Variants in MDGA2 observed in about 807,000 individuals in gnomAD.
MDGA2 encodes the protein MAM domain containing glycosylphosphatidylinositol anchor 2, also known as MAM domain-containing glycosylphosphatidylinositol anchor protein 2.
A neutral mutation model predicts 117.8 loss-of-function variants in MDGA2; 40 were observed. The ratio of observed to expected loss-of-function variants is 0.34; its 90% CI spans 0.26 to 0.44. MDGA2 has a LOEUF of 0.44. Among genes scored for constraint, MDGA2 ranks in the 20% least tolerant of loss-of-function variants. The pLI, the probability that MDGA2 is intolerant of heterozygous loss-of-function variation, is 1.00. For synonymous variants in MDGA2, 452 were observed against 439.0 expected (o/e 1.03, Z -0.37); for missense variants, 1,123 against 1,250.6 (o/e 0.90, Z 1.54).
chr14:47,597,875 C>CAT (rs1896575212), intron 1 of MDGA2, among the ~76,000 whole-genome samples: 1 of 149,516 alleles, frequency 6.7e-6, no homozygotes, highest in Admixed American at 6.7e-5. Context: ...CACACACACA[C>CAT]ACACACACAA....
At chr14:47,241,087 G>C (rs1181614498) in intron 2 of MDGA2, among the ~76,000 whole-genome samples, 1 of 151,780 alleles carries the variant, frequency 6.6e-6, no homozygotes, top group Non-Finnish European at 1.5e-5. Flanking sequence ...TTTAGGAGTG[G>C]ATGACCAATC....
chr14:47,283,746 TA>T (rs1228425543), intron 2 of MDGA2, among the ~76,000 whole-genome samples: 1 of 152,182 alleles, frequency 6.6e-6, no homozygotes, highest in African/African-American at 2.4e-5. Flanking sequence ...GTGCTATTTT[TA>T]AAAAATAATA....
At chr14:47,394,325 A>C (rs8020717) in intron 1 of MDGA2, among the ~76,000 whole-genome samples, 152,085 of 152,234 alleles carry the variant, frequency 1, 75,968 homozygotes, top group Non-Finnish European at 1. Context: ...TGGACCAGAA[A>C]CAAAGCTTCT....
chr14:47,493,057 G>T (rs1175656675), intron 1 of MDGA2, among the ~76,000 whole-genome samples: 2 of 151,608 alleles, frequency 1.3e-5, no homozygotes, highest in Admixed American at 1.3e-4. Context: ...CTTATTACCA[G>T]TATCAAAATA....
At chr14:47,174,418 T>C (rs950103772) in intron 3 of MDGA2, among the ~76,000 whole-genome samples, 16 of 151,976 alleles carry the variant, frequency 1.1e-4, no homozygotes, top group Admixed American at 2.6e-4. Context: ...CCCCAGCAAA[T>C]CTAAAAGAAC....
intron 2 of MDGA2, among the ~76,000 whole-genome samples, chr14:47,275,251 C>T (rs1266208487): frequency 6.6e-6 from 1 of 152,084 alleles, no homozygotes; most frequent in Non-Finnish European, 1.5e-5. Flanking sequence ...CTGTGAATTC[C>T]TCTTTTGTTA....
chr14:47,646,434 T>G lies in MDGA2; in HGVS notation c.280+28083A>C, dbSNP rs912078859. Among the ~76,000 whole-genome samples the G allele has an allele frequency of 2.0e-5, 3 of 152,170 alleles. No individual in the cohort carries two copies. The East Asian group carries it at 5.8e-4, about 29-fold the overall frequency. On this transcript the variant is annotated intron_variant, in intron 1 of 16. Transcript: ENST00000399232. ...GCAGATTTTCAGTTTAAATTTTACT[T>G]CTGAAGCCAAAATAGTGGAAAAGTG... is the stretch of plus-strand genomic sequence containing the variant.
At chr14:47,444,394 A>T (rs764794530) in intron 1 of MDGA2, 10 of 184,472 alleles carry the variant, frequency 5.4e-5, no homozygotes, top group Non-Finnish European at 1.1e-4. Context: ...AAACCAGATG[A>T]TGGCTCTGGA....
At chr14:47,457,564 A>C (rs1306205871) in intron 1 of MDGA2, among the ~76,000 whole-genome samples, 1 of 152,208 alleles carries the variant, frequency 6.6e-6, no homozygotes, top group Non-Finnish European at 1.5e-5. Context: ...CAAAGAAGAC[A>C]TTCTGAGTTA....
At chr14:46,867,864 T>C (rs889325851) in intron 14 of MDGA2, among the ~76,000 whole-genome samples, 1 of 152,008 alleles carries the variant, frequency 6.6e-6, no homozygotes, top group African/African-American at 2.4e-5. Flanking sequence ...TTCTTTTTAC[T>C]TTAGTTGCCA....
intron 1 of MDGA2, among the ~76,000 whole-genome samples, chr14:47,413,007 T>C (rs750601703): frequency 2.0e-5 from 3 of 152,244 alleles, no homozygotes; most frequent in Admixed American, 6.5e-5. Context: ...TTCATTTTGT[T>C]TTTTCAGGAC....
In MDGA2 at chr14:47,485,983, C is replaced by A. The variant is rs553072185; in HGVS notation, c.281-184433G>T. 1.3e-5 allele frequency among the ~76,000 whole-genome samples: 2 copies of A among 152,280 alleles called. 1 individual carries two copies. The highest frequency in any genetic ancestry group is 4.1e-4 in the South Asian group (2 of 4,822). Reference sequence around the variant, plus strand: ...GAAGGGAAATGTAAAGTTGGAGCCCCCACACAGAGTCCCTAGTGAGGCACT... The same window carrying A: ...GAAGGGAAATGTAAAGTTGGAGCCCACACACAGAGTCCCTAGTGAGGCACT... On this transcript the variant is annotated intron_variant, in intron 1 of 16. Transcript: ENST00000399232.
At chr14:47,163,205 T>C (rs1883714370) in intron 3 of MDGA2, among the ~76,000 whole-genome samples, 1 of 152,196 alleles carries the variant, frequency 6.6e-6, no homozygotes, top group Non-Finnish European at 1.5e-5. Flanking sequence ...GACTAGCCTC[T>C]TCTGAAGAAC....
At chr14:47,462,731 G>A (rs959116695) in intron 1 of MDGA2, among the ~76,000 whole-genome samples, 2 of 151,678 alleles carry the variant, frequency 1.3e-5, no homozygotes, top group African/African-American at 4.9e-5. Context: ...GAACAATGAA[G>A]CATTTTTTTT....
intron 13 of MDGA2, 187 bp from the exon 14 acceptor site, chr14:46,873,778 C>A: frequency 1.8e-6 from 1 of 567,010 alleles, no homozygotes; most frequent in Non-Finnish European, 2.8e-6. Flanking sequence ...AAATGATCTA[C>A]CAAATTAAAG....
intron 1 of MDGA2, among the ~76,000 whole-genome samples, chr14:47,328,191 C>T (rs1334976123): frequency 6.6e-6 from 1 of 152,104 alleles, no homozygotes; most frequent in East Asian, 1.9e-4. Context: ...GGTCTGAGCA[C>T]TCCATATCGG....
chr14:47,069,041 G>A (rs779595557), intron 6 of MDGA2, among the ~76,000 whole-genome samples: 10 of 152,066 alleles, frequency 6.6e-5, no homozygotes, highest in Non-Finnish European at 1.3e-4. Context: ...CTCTCAGACT[G>A]AAACTTGTTT....
chr14:47,349,840 T>C (rs978174185), intron 1 of MDGA2, among the ~76,000 whole-genome samples: 2 of 152,178 alleles, frequency 1.3e-5, no homozygotes, highest in Admixed American at 6.5e-5. Flanking sequence ...CCCCAGAAGG[T>C]TGATCCTTAA....
intron 1 of MDGA2, among the ~76,000 whole-genome samples, chr14:47,452,834 T>C (rs1009100505): frequency 6.6e-6 from 1 of 152,110 alleles, no homozygotes; most frequent in African/African-American, 2.4e-5. Flanking sequence ...CATGCTCTCA[T>C]TTTTTGTGCT....
Sources: gnomAD v4.1 joint callset for allele counts (sites outside exome capture counted in the v4.1 genomes callset) on GRCh38, gnomAD v4.1.1 for gene constraint, MANE v1.5 for transcripts, NCBI Gene and HGNC (gene_info 2026-07-23, HGNC 2026-07-21) for gene names.